Variants in KTN1 observed in about 807,000 individuals in gnomAD.
KTN1 encodes the protein kinectin.
A neutral mutation model predicts 222.5 loss-of-function variants in KTN1; 130 were observed. That is an observed-to-expected ratio of 0.58 (90% CI 0.51 to 0.68). The LOEUF is 0.68. Among genes scored for constraint, KTN1 ranks in the 30% least tolerant of loss-of-function variants. KTN1 has a pLI of 0.00. For missense variants in KTN1, 1,508 were observed against 1,500.4 expected (o/e 1.01, Z -0.08); for synonymous variants, 512 against 496.3 (o/e 1.03, Z -0.42).
chr14:55,673,084 T>G, intron 39 of KTN1, 72 bp downstream of exon 39: 3 of 1,503,382 alleles, frequency 2.0e-6, no homozygotes, highest in South Asian at 1.1e-5. Flanking sequence ...TATTTCAGTA[T>G]AAGTTGTTTG....
At position 55,641,745 on chromosome 14, in the gene KTN1, T is replaced by C. The variant is rs759001235; in HGVS notation, c.2157T>C (p.Thr719=). The C allele has an allele frequency of 1.9e-6, 3 of 1,595,246 alleles. No homozygotes were observed. The highest frequency in any genetic ancestry group is 2.2e-5 in the South Asian group (2 of 90,636). Residue 719 remains threonine, a synonymous_variant, in exon 18 of 44, where the codon ACT becomes ACC. Transcript: ENST00000395314. The part of the protein sequence containing the change: ...ALKSEVQKLQ[T]LVSEQPNKDV... ...AATCAGAAGTTCAGAAGCTACAGACTCTTGTTTCTGAACAGGTAAGGCTTT... is the reference window on the plus strand; with the variant it reads ...AATCAGAAGTTCAGAAGCTACAGACCCTTGTTTCTGAACAGGTAAGGCTTT...
At chr14:55,581,581 T>A (rs2031657409) in intron 1 of KTN1, among the ~76,000 whole-genome samples, 1 of 152,162 alleles carries the variant, frequency 6.6e-6, no homozygotes, top group Non-Finnish European at 1.5e-5. Flanking sequence ...TAGACACTCA[T>A]GGCCAGCCCA....
At chr14:55,677,000 G>A (rs1316860630) in intron 41 of KTN1, among the ~76,000 whole-genome samples, 1 of 152,152 alleles carries the variant, frequency 6.6e-6, no homozygotes, top group African/African-American at 2.4e-5. Flanking sequence ...GCCTAGCAAT[G>A]TAGTTTCTTA....
chr14:55,634,041 G>A (rs2040836991), intron 8 of KTN1, among the ~76,000 whole-genome samples: 1 of 152,138 alleles, frequency 6.6e-6, no homozygotes, highest in African/African-American at 2.4e-5. Context: ...TCGGGAGACA[G>A]GAGAATCGCT....
intron 1 of KTN1, among the ~76,000 whole-genome samples, chr14:55,592,789 A>AT (rs1182137996): frequency 6.6e-6 from 1 of 152,168 alleles, no homozygotes; most frequent in Non-Finnish European, 1.5e-5. Flanking sequence ...TGTGCTTGGT[A>AT]TTTTGAATAT....
chr14:55,662,374 C>T lies in KTN1; in HGVS notation c.3090+762C>T, dbSNP rs187220448. Among the ~76,000 whole-genome samples, 138 of 152,154 alleles carry T rather than the reference C, an allele frequency of 9.1e-4. 1 individual carries two copies. Among genetic ancestry groups the T allele is most frequent in the Non-Finnish European group, 1.8e-3 (124 of 67,986 alleles). On this transcript the variant is annotated intron_variant, in intron 32 of 43. Coordinates refer to ENST00000395314, the MANE Select transcript of KTN1 (RefSeq NM_001079521.2). ...TGTGAGCCACGGCACCTGGCCAGAA[C>T]CTCCCATTTTTAACTGAGAGGTGGT... is the stretch of plus-strand genomic sequence containing the variant.
At position 55,612,384 on chromosome 14, in the gene KTN1, G is replaced by A. The variant is rs143868020; in HGVS notation, c.336G>A (p.Arg112=). The change falls in exon 2 of 44, where the codon AGG becomes AGA. Residue 112 remains arginine, a synonymous_variant. Coordinates refer to ENST00000395314, the MANE Select transcript of KTN1 (RefSeq NM_001079521.2). ...TCGTTGAAACTTCAAGTAGTGTTAG[G>A]GAAAGAAAAAAGAAGGAAAAGAAAC... The part of the protein sequence containing the change: ...LNVVETSSSV[R]ERKKKEKKQK... 1.9e-6 allele frequency: 3 copies of A among 1,613,852 alleles called. No individual in the cohort carries two copies. The highest frequency in any genetic ancestry group is 2.5e-6 in the Non-Finnish European group (3 of 1,179,936).
chr14:55,644,384 A>C (rs10131087), intron 18 of KTN1: 33,194 of 702,266 alleles, frequency 0.047, 2,611 homozygotes, highest in African/African-American at 0.28. Context: ...GCAGAAACCA[A>C]TAATGGTGCC....
Position 55,672,926 on chromosome 14 carries a change from T to C in KTN1, c.3604-3T>C, listed in dbSNP as rs1232818491. The C allele has an allele frequency of 1.9e-6, 3 of 1,611,064 alleles. No homozygotes were observed. Among genetic ancestry groups the C allele is most frequent in the South Asian group, 2.2e-5 (2 of 90,978 alleles). Reference sequence around the variant, plus strand: ...GTTAACTTTTCCTTTGTTGCATTGCTAGCTGAGAAGAGAACGAGAACATTT... The same window carrying C: ...GTTAACTTTTCCTTTGTTGCATTGCCAGCTGAGAAGAGAACGAGAACATTT... On this transcript the variant is annotated splice_region_variant and splice_polypyrimidine_tract_variant and intron_variant, in intron 38 of 43. Transcript: ENST00000395314.
chr14:55,598,403 C>T (rs1168035427), intron 1 of KTN1, among the ~76,000 whole-genome samples: 4 of 150,108 alleles, frequency 2.7e-5, no homozygotes, highest in African/African-American at 9.8e-5. Context: ...CCACTGCACT[C>T]CAGCCTCGGC....
intron 1 of KTN1, among the ~76,000 whole-genome samples, chr14:55,608,180 C>G (rs2037021329): frequency 6.6e-6 from 1 of 152,040 alleles, no homozygotes; most frequent in Admixed American, 6.6e-5. Flanking sequence ...CTTTGTTCTT[C>G]CCTGAATTTT....
intron 7 of KTN1, among the ~76,000 whole-genome samples, chr14:55,631,341 G>GATATACATATATATATAT (rs2040492799): frequency 8.7e-6 from 1 of 114,718 alleles, no homozygotes; most frequent in African/African-American, 3.6e-5. Flanking sequence ...TGATAAGGTT[G>GATATACATATATATATAT]ATATATATAT....
Position 55,671,896 on chromosome 14 carries a change from C to T in KTN1, c.3531+19C>T. On this transcript the variant is annotated intron_variant, in intron 37 of 43. Transcript: ENST00000395314. Reference sequence around the variant, plus strand: ...TAAACAGGTATTTACAAAAGAAAAGCTTAGAGCAGTGGTTCTCGATGTGTG... The same window carrying T: ...TAAACAGGTATTTACAAAAGAAAAGTTTAGAGCAGTGGTTCTCGATGTGTG... The T allele has an allele frequency of 7.1e-7, 1 of 1,404,500 alleles. No individual in the cohort carries two copies. The highest frequency in any genetic ancestry group is 1.8e-4 in the Middle Eastern group (1 of 5,616). The allele number at this position is 1,404,500 out of a possible 1,614,324, so 87.0% of individuals were successfully genotyped here. A position where few individuals can be genotyped will look rare whatever the true frequency, so the allele number is the denominator to read the frequency against.
intron 1 of KTN1, among the ~76,000 whole-genome samples, chr14:55,593,476 C>T (rs1056675959): frequency 7.7e-6 from 1 of 129,616 alleles, no homozygotes; most frequent in African/African-American, 3.0e-5. Flanking sequence ...TTGTTAAACA[C>T]TGTGAGGGTA....
intron 43 of KTN1, chr14:55,680,672 T>TTGTC: frequency 7.3e-7 from 1 of 1,362,480 alleles, no homozygotes; most frequent in Non-Finnish European, 9.8e-7. Flanking sequence ...CAGGAGCGTT[T>TTGTC]TGTCTCACTT....
chr14:55,681,001 A>G, intron 43 of KTN1: 1 of 273,976 alleles, frequency 3.6e-6, no homozygotes, highest in Non-Finnish European at 7.3e-6. Context: ...AGTCTTGAAA[A>G]CATGCTCAGA....
At chr14:55,640,528 A>C in intron 15 of KTN1, 86 bp downstream of exon 15, 1 of 879,760 alleles carries the variant, frequency 1.1e-6, no homozygotes, top group South Asian at 1.6e-5. Flanking sequence ...CCCCAATTTG[A>C]TTGTGTAAGT....
At chr14:55,664,439 G>A (rs2044484515) in intron 33 of KTN1, among the ~76,000 whole-genome samples, 1 of 152,106 alleles carries the variant, frequency 6.6e-6, no homozygotes, top group Non-Finnish European at 1.5e-5. Context: ...GTTTTGGAGG[G>A]CACACCAAGA....
At chr14:55,630,346 A>G (rs1399032723) in intron 7 of KTN1, among the ~76,000 whole-genome samples, 1 of 152,206 alleles carries the variant, frequency 6.6e-6, no homozygotes, top group Non-Finnish European at 1.5e-5. Flanking sequence ...GAGGTAAGGA[A>G]GAAAAGGATT....
Sources: allele counts gnomAD v4.1 joint callset (sites outside exome capture counted in the v4.1 genomes callset), GRCh38; gene constraint gnomAD v4.1.1; transcripts MANE v1.5; gene names NCBI Gene and HGNC (gene_info 2026-07-23, HGNC 2026-07-21).